The following MED20 variants were observed in gnomAD, a reference collection of about 807,000 sequenced individuals.
The protein encoded by MED20 is mediator complex subunit 20, also known as mediator of RNA polymerase II transcription subunit 20.
MED20 carries 19 observed loss-of-function variants against 19.7 expected under a neutral mutation model. That is an observed-to-expected ratio of 0.96 (90% CI 0.67 to 1.42). The LOEUF (loss-of-function observed/expected upper bound fraction) is 1.42, where lower values mean the gene tolerates loss of function less well. Among genes scored for constraint, MED20 ranks in the 40% most tolerant of loss-of-function variants. The pLI is 0.00. For missense variants in MED20, 225 were observed against 273.0 expected (o/e 0.82, Z 1.24); for synonymous variants, 105 against 104.8 (o/e 1.00, Z -0.01).
At chr6:41,909,113 A>T in intron 3 of MED20, 156 bp downstream of exon 3, 1 of 962,556 alleles carries the variant, frequency 1.0e-6, no homozygotes, top group Non-Finnish European at 1.5e-6. Context: ...GGTCGAGGCT[A>T]CAGTGTGCCA....
rs938650378 is a variant in MED20 at position 41,921,086 on chromosome 6, A to C, written c.-68T>G. 1 of 1,596,196 alleles carries C rather than the reference A, an allele frequency of 6.3e-7. No homozygotes were observed. The stretch of plus-strand genomic sequence containing the variant: ...CAGGGTTCCCTGTCCGCCCACAGAA[A>C]CTCCTTCAGTTCCCCAACACAACCT... On this transcript the variant is annotated 5_prime_UTR_variant, in exon 1 of 4. Transcript: ENST00000265350.
rs1775328915 is a variant in MED20, at chr6:41,916,899, G to C, written c.55C>G (p.Gln19Glu). 6.2e-7 allele frequency: 1 copy of C among 1,614,016 alleles called. No individual in the cohort carries two copies. Among genetic ancestry groups the C allele is most frequent in the African/African-American group, 1.3e-5 (1 of 74,974 alleles). Residue 19 changes from glutamine (Q) to glutamate (E), a missense_variant, in exon 2 of 4, where the codon CAA (glutamine) becomes GAA (glutamate). Physicochemically the swap from Gln to Glu is conservative, Grantham distance 29. Coordinates refer to ENST00000265350, the MANE Select transcript of MED20 (RefSeq NM_004275.5). ...MPVAEGKSVQ[Q>E]TVELLTRKLE... Reference sequence around the variant, plus strand: ...TTCCGGGTAAGGAGCTCTACGGTTTGCTGAACACTCTTGCCCTCGGCCACA... The same window carrying C: ...TTCCGGGTAAGGAGCTCTACGGTTTCCTGAACACTCTTGCCCTCGGCCACA...
chr6:41,907,991 A>G (rs1027994577), intron 3 of MED20, among the ~76,000 whole-genome samples: 1 of 152,188 alleles, frequency 6.6e-6, no homozygotes, highest in Non-Finnish European at 1.5e-5. Context: ...GGTCTATCAC[A>G]AGCCGAAAGG....
rs747657411 is a variant in MED20, at chr6:41,907,208, T to G, written c.503A>C (p.His168Pro). The G allele has an allele frequency of 4.3e-6, 7 of 1,614,036 alleles. No individual in the cohort carries two copies. The highest frequency in any genetic ancestry group is 5.9e-6 in the Non-Finnish European group (7 of 1,180,002). ...LEFLQSFLGS[H>P]TPGAPAVFGN... ...AAACACTGCGGGAGCCCCTGGTGTG[T>G]GGCTGCCTAGAAAACTCTGTAGGAA... Residue 168 changes from histidine to proline, a missense_variant, in exon 4 of 4, where the codon CAC becomes CCC. Transcript: ENST00000265350.
At chr6:41,920,924 G>C in intron 1 of MED20, 81 bp downstream of exon 1, 1 of 1,547,800 alleles carries the variant, frequency 6.5e-7, no homozygotes, top group Non-Finnish European at 8.8e-7. Context: ...GCTCCCAGAG[G>C]ACGGCGGACC....
chr6:41,907,474 G>A (rs1406146997), intron 3 of MED20, among the ~76,000 whole-genome samples, 187 bp from the exon 4 acceptor site: 1 of 152,074 alleles, frequency 6.6e-6, no homozygotes, highest in African/African-American at 2.4e-5. Context: ...GCATCTTTAG[G>A]CATCTTTGAC....
intron 1 of MED20, 53 bp downstream of exon 1, chr6:41,920,952 T>C (rs1279502820): frequency 6.3e-7 from 1 of 1,592,788 alleles, no homozygotes; most frequent in Non-Finnish European, 8.6e-7. Context: ...AGGTCCTCTT[T>C]CCGGCCTTTC....
Position 41,909,377 on chromosome 6 carries a change from A to T in MED20, c.315T>A (p.Ala105=). The change falls in exon 3 of 4, where the codon GCT becomes GCA. Residue 105 remains alanine (A), a synonymous_variant. Coordinates refer to ENST00000265350, the MANE Select transcript of MED20 (RefSeq NM_004275.5). ...MVKLKGFFQS[A]KASKIETRGT... is the part of the protein sequence containing the mutation. The stretch of plus-strand genomic sequence containing the variant: ...CCCGGGTCTCAATCTTGCTGGCCTT[A>T]GCACTCTGGAAAAAGCCCTTGAGCT... 6.2e-7 allele frequency: 1 copy of T among 1,614,212 alleles called. No individual in the cohort carries two copies. The highest frequency in any genetic ancestry group is 8.5e-7 in the Non-Finnish European group (1 of 1,180,040).
chr6:41,913,408 C>A (rs1198346637), intron 2 of MED20, among the ~76,000 whole-genome samples: 4 of 152,188 alleles, frequency 2.6e-5, no homozygotes, highest in Non-Finnish European at 5.9e-5. Context: ...GCCTGCTCAG[C>A]CCACACCAGG....
intron 2 of MED20, 151 bp downstream of exon 2, chr6:41,916,634 A>T: frequency 1.1e-6 from 1 of 910,942 alleles, no homozygotes; most frequent in Non-Finnish European, 1.7e-6. Flanking sequence ...TCTAAGAGAT[A>T]AAGAACCAAG....
At chr6:41,911,051 G>A (rs1775179712) in intron 2 of MED20, among the ~76,000 whole-genome samples, 1 of 150,976 alleles carries the variant, frequency 6.6e-6, no homozygotes, top group East Asian at 2.0e-4. Context: ...AGAGGTTGCA[G>A]TGAGCCGAGA....
chr6:41,906,611 A>G lies in MED20; in HGVS notation c.*461T>C, dbSNP rs1389640908. 1 of 160,816 alleles carries G rather than the reference A, an allele frequency of 6.2e-6. No homozygotes were observed. The highest frequency in any genetic ancestry group is 1.4e-5 in the Non-Finnish European group (1 of 72,798). The allele number at this position is 160,816 out of a possible 1,614,324, so 10.0% of individuals were successfully genotyped here. On this transcript the variant is annotated 3_prime_UTR_variant, in exon 4 of 4. Transcript: ENST00000265350. The stretch of plus-strand genomic sequence containing the variant: ...TTGTGCCTTCTACTCCATCTCTAGG[A>G]TAGAAGCCCAGCCACATCCTCTGAG...
rs1775022737 is a variant in MED20, at chr6:41,905,444, A to G, written c.*1628T>C. On this transcript the variant is annotated 3_prime_UTR_variant, in exon 4 of 4. Transcript: ENST00000265350. ...ACAAAATAACAAAAACGGGGTGAGAACAAAAAATACAGATGACAGGTTCTG... is the reference window on the plus strand; with the variant it reads ...ACAAAATAACAAAAACGGGGTGAGAGCAAAAAATACAGATGACAGGTTCTG... 6.6e-6 allele frequency: 1 copy of G among 152,254 alleles called. No homozygotes were observed. Among genetic ancestry groups the G allele is most frequent in the South Asian group, 2.1e-4 (1 of 4,830 alleles). The allele number at this position is 152,254 out of a possible 1,614,324, so 9.4% of individuals were successfully genotyped here.
chr6:41,910,241 C>G (rs1019464225), intron 2 of MED20, among the ~76,000 whole-genome samples: 3 of 152,210 alleles, frequency 2.0e-5, no homozygotes, highest in African/African-American at 7.2e-5. Context: ...CCCCAGCTCA[C>G]CCCTTCCAGT....
rs1775050439 is a variant in MED20 at position 41,906,465 on chromosome 6, T to C, written c.*607A>G. 1 of 152,776 alleles carries C rather than the reference T, an allele frequency of 6.5e-6. No individual in the cohort carries two copies. Among genetic ancestry groups the C allele is most frequent in the African/African-American group, 2.4e-5 (1 of 41,582 alleles). 9.5% of individuals were successfully genotyped at this position (152,776 alleles called of 1,614,324 possible). ...GCAGTTTGGCCTGTGGCTTAACATATTTCACAACAGAAGGGAAAGATGTCA... is the reference window on the plus strand; with the variant it reads ...GCAGTTTGGCCTGTGGCTTAACATACTTCACAACAGAAGGGAAAGATGTCA... On this transcript the variant is annotated 3_prime_UTR_variant, in exon 4 of 4. Coordinates refer to ENST00000265350, the MANE Select transcript of MED20 (RefSeq NM_004275.5).
At chr6:41,919,694 C>G (rs918961997) in intron 1 of MED20, among the ~76,000 whole-genome samples, 4 of 152,060 alleles carry the variant, frequency 2.6e-5, no homozygotes, top group African/African-American at 9.7e-5. Flanking sequence ...CTTTGGGAGA[C>G]CAAAGCAGGA....
chr6:41,915,886 C>T (rs112146912), intron 2 of MED20, among the ~76,000 whole-genome samples: 2,519 of 152,170 alleles, frequency 0.017, 53 homozygotes, highest in African/African-American at 0.05. Context: ...TAGGTGTATG[C>T]ATATATCCAA....
Position 41,907,159 on chromosome 6 carries a change from G to T in MED20, c.552C>A (p.Tyr184Ter). The T allele has an allele frequency of 1.9e-6, 3 of 1,614,074 alleles. No homozygotes were observed. Among genetic ancestry groups the T allele is most frequent in the Non-Finnish European group, 2.5e-6 (3 of 1,180,008 alleles). ...ACTGGACCATGGTATCTGCTGGGCC[G>T]TAGACCGCATCATGTCTGTTCCCAA... Reference protein sequence around the residue: ...AVFGNRHDAVYGPADTMVQYM... With the variant: ...AVFGNRHDAV The change falls in exon 4 of 4, where the codon TAC becomes TAA. Residue 184 changes from tyrosine (Y) to a stop codon, truncating the protein, a stop_gained. Transcript: ENST00000265350. LOFTEE classifies it high-confidence loss of function.
Position 41,921,118 on chromosome 6 carries a change from T to A in MED20, c.-100A>T. The A allele has an allele frequency of 4.8e-6, 7 of 1,468,724 alleles. No homozygotes were observed. Among genetic ancestry groups the A allele is most frequent in the South Asian group, 1.2e-5 (1 of 83,350 alleles). 91.0% of individuals were successfully genotyped at this position (1,468,724 alleles called of 1,614,324 possible). ...CAGTTCCCCAACACAACCTTCTGTC[T>A]CAGAAGGGACTCCGGAAATACGTAA... On this transcript the variant is annotated 5_prime_UTR_variant, in exon 1 of 4. Coordinates refer to ENST00000265350, the MANE Select transcript of MED20 (RefSeq NM_004275.5).
Sources: gnomAD v4.1 joint callset for allele counts (sites outside exome capture counted in the v4.1 genomes callset) on GRCh38, gnomAD v4.1.1 for gene constraint, MANE v1.5 for transcripts, NCBI Gene and HGNC (gene_info 2026-07-23, HGNC 2026-07-21) for gene names.